PIGF: variants seen among roughly 807,000 people sequenced by gnomAD.
PIGF encodes the protein phosphatidylinositol glycan anchor biosynthesis class F.
A neutral mutation model predicts 26.0 loss-of-function variants in PIGF; 23 were observed. The ratio of observed to expected loss-of-function variants is 0.88; its 90% CI spans 0.64 to 1.25. The LOEUF (loss-of-function observed/expected upper bound fraction) is 1.25, where lower values mean the gene tolerates loss of function less well. Ranked by LOEUF, PIGF falls within the 50% of genes most tolerant of loss-of-function variation. PIGF has a pLI of 0.00. For synonymous variants in PIGF, 93 were observed against 92.6 expected, an observed-to-expected ratio of 1.00 and a Z score of -0.03; for missense variants, 278 against 249.9, an observed-to-expected ratio of 1.11 and a Z score of -0.76.
intron 5 of PIGF, among the ~76,000 whole-genome samples, chr2:46,586,420 ATTC>A (rs753037625): frequency 5.3e-5 from 8 of 152,182 alleles, no homozygotes; most frequent in Non-Finnish European, 1.0e-4. Flanking sequence ...TTTAGTATAA[ATTC>A]TTAAAAATGT....
At chr2:46,592,870 T>G (rs1669764055) in intron 4 of PIGF, among the ~76,000 whole-genome samples, 1 of 152,242 alleles carries the variant, frequency 6.6e-6, no homozygotes. Flanking sequence ...CAACTCCTGG[T>G]TCCTTTCCCC....
chr2:46,599,656 C>T (rs1343311299), intron 4 of PIGF, among the ~76,000 whole-genome samples: 5 of 152,130 alleles, frequency 3.3e-5, no homozygotes, highest in African/African-American at 4.8e-5. Flanking sequence ...TTCTTCTCCA[C>T]GTCATTTTGT....
chr2:46,591,685 CATT>C (rs1669725933), intron 5 of PIGF: 1 of 1,055,614 alleles, frequency 9.5e-7, no homozygotes, highest in Admixed American at 4.5e-5. Context: ...ACTACAAAGT[CATT>C]AATATTAAGA....
chr2:46,601,441 T>C (rs1182071345), intron 4 of PIGF, among the ~76,000 whole-genome samples: 1 of 152,110 alleles, frequency 6.6e-6, no homozygotes, highest in Non-Finnish European at 1.5e-5. Flanking sequence ...CTGAGGGTAG[T>C]TCATAGTAAA....
intron 1 of PIGF, chr2:46,616,033 A>G (rs1274858681): frequency 1.6e-5 from 2 of 127,248 alleles, no homozygotes; most frequent in African/African-American, 7.0e-5. Flanking sequence ...AAAAAATACT[A>G]TACACACACA....
At chr2:46,581,745 C>T in intron 5 of PIGF, 154 bp from the exon 6 acceptor site, 1 of 1,093,772 alleles carries the variant, frequency 9.1e-7, no homozygotes, top group Non-Finnish European at 1.2e-6. Flanking sequence ...ATCATGAACA[C>T]TAAAAATGTA....
chr2:46,606,004 C>A (rs1025232304), intron 4 of PIGF, among the ~76,000 whole-genome samples: 2 of 152,140 alleles, frequency 1.3e-5, no homozygotes, highest in Non-Finnish European at 2.9e-5. Flanking sequence ...CTAGGCTGTT[C>A]TCCAGTATGT....
intron 4 of PIGF, among the ~76,000 whole-genome samples, chr2:46,605,580 A>G (rs926896770): frequency 2.6e-5 from 4 of 152,152 alleles, no homozygotes; most frequent in Non-Finnish European, 5.9e-5. Context: ...AGCCCTGCAA[A>G]GTACATATTA....
chr2:46,594,791 C>T, intron 4 of PIGF, among the ~76,000 whole-genome samples: 1 of 151,260 alleles, frequency 6.6e-6, no homozygotes, highest in Non-Finnish European at 1.5e-5. Flanking sequence ...GCCTCAGCCT[C>T]CCAAAGTGCT....
At chr2:46,608,268 T>G (rs1670286312) in intron 4 of PIGF, among the ~76,000 whole-genome samples, 2 of 152,230 alleles carry the variant, frequency 1.3e-5, no homozygotes, top group African/African-American at 4.8e-5. Flanking sequence ...GACCATTTTC[T>G]TTCTCATCCA....
chr2:46,608,191 T>C (rs1043661831), intron 4 of PIGF, among the ~76,000 whole-genome samples: 1 of 152,226 alleles, frequency 6.6e-6, no homozygotes, highest in Non-Finnish European at 1.5e-5. Context: ...TTATGCAATA[T>C]CCTAAATCCT....
intron 4 of PIGF, 26 bp from the exon 5 acceptor site, chr2:46,592,609 T>C: frequency 8.5e-7 from 1 of 1,178,104 alleles, no homozygotes; most frequent in Non-Finnish European, 1.3e-6. Flanking sequence ...TGGTACATCG[T>C]TGGTGGTATA....
intron 2 of PIGF, 118 bp from the exon 3 acceptor site, chr2:46,613,903 T>G (rs1670516075): frequency 1.2e-6 from 1 of 821,690 alleles, no homozygotes; most frequent in Admixed American, 3.0e-5. Context: ...TCAAATGTTC[T>G]TGGGTATACT....
intron 5 of PIGF, 154 bp from the exon 6 acceptor site, chr2:46,581,745 C>G: frequency 9.1e-7 from 1 of 1,093,772 alleles, no homozygotes; most frequent in South Asian, 1.8e-5. Flanking sequence ...ATCATGAACA[C>G]TAAAAATGTA....
chr2:46,608,095 A>G (rs1027317179), intron 4 of PIGF, among the ~76,000 whole-genome samples: 9 of 152,228 alleles, frequency 5.9e-5, no homozygotes, highest in Non-Finnish European at 7.3e-5. Context: ...ATGCTGTTTG[A>G]CAGCCTTTTA....
chr2:46,597,642 C>A (rs887324396), intron 4 of PIGF, among the ~76,000 whole-genome samples: 8 of 152,190 alleles, frequency 5.3e-5, no homozygotes, highest in Non-Finnish European at 1.2e-4. Context: ...GAACTCCTGA[C>A]CTCAAATGAT....
rs377470688 is a variant in PIGF, at chr2:46,600,400, A to G, written c.438-7817T>C. Among the ~76,000 whole-genome samples the G allele has an allele frequency of 3.9e-5, 6 of 152,332 alleles. No homozygotes were observed. The East Asian group carries it at 1.2e-3, about 29-fold the overall frequency. The stretch of plus-strand genomic sequence containing the variant: ...TGCACAAGTATACAAAATTATATGG[A>G]ACAAAGATATACCTAACAACATTAT... On this transcript the variant is annotated intron_variant, in intron 4 of 5. Transcript: ENST00000281382.
rs1669634745 is a variant in PIGF at position 46,588,159 on chromosome 2, A to G, written c.546+4316T>C. 6.2e-7 allele frequency: 1 copy of G among 1,612,844 alleles called. No individual in the cohort carries two copies. ...GTACATGGAGAGATCTATAAGTGCTACGTTTTCTTTCTACTGTCATCTGAA... is the reference window on the plus strand; with the variant it reads ...GTACATGGAGAGATCTATAAGTGCTGCGTTTTCTTTCTACTGTCATCTGAA... On this transcript the variant is annotated intron_variant, in intron 5 of 5. Transcript: ENST00000281382. The surrounding 1 kb of genome is among the most constrained non-coding windows in gnomAD (Gnocchi z 4.1).
chr2:46,608,241 T>C (rs1405361323), intron 4 of PIGF, among the ~76,000 whole-genome samples: 3 of 152,248 alleles, frequency 2.0e-5, no homozygotes, highest in African/African-American at 4.8e-5. Context: ...TCTTCACCAG[T>C]AGATTCCATC....
Sources: gnomAD v4.1 joint callset for allele counts (sites outside exome capture counted in the v4.1 genomes callset) on GRCh38, gnomAD v4.1.1 for gene constraint, Gnocchi (gnomAD v3.1) non-coding constraint, MANE v1.5 for transcripts, NCBI Gene and HGNC (gene_info 2026-07-23, HGNC 2026-07-21) for gene names.